Variants in HGFAC observed in about 807,000 individuals in gnomAD.
HGFAC encodes the protein HGF activator.
In HGFAC, 76 loss-of-function variants were observed where a neutral mutation model predicts 70.6. The observed-to-expected ratio is 1.08, with a 90% confidence interval of 0.89 to 1.30. The LOEUF (loss-of-function observed/expected upper bound fraction) is 1.30. HGFAC is among the 50% of genes most tolerant of loss of function. The probability of loss-of-function intolerance (pLI) is 0.00; values close to 1 mark genes in which losing one functional copy is unlikely to be tolerated. For missense variants in HGFAC, 1,044 were observed against 933.7 expected, an observed-to-expected ratio of 1.12 and a Z score of -1.54; for synonymous variants, 464 against 405.3, an observed-to-expected ratio of 1.14 and a Z score of -1.74.
chr4:3,447,975 G>A lies in HGFAC; in HGVS notation c.1576G>A (p.Gly526Ser), dbSNP rs113139871. The A allele has an allele frequency of 4.0e-5, 63 of 1,589,108 alleles. No homozygotes were observed. Among genetic ancestry groups the A allele is most frequent in the East Asian group, 2.8e-4 (12 of 43,384 alleles). Residue 526 changes from glycine (G) to serine (S), a missense_variant, in exon 12 of 14, where the codon GGC (glycine) becomes AGC (serine). Transcript: ENST00000382774. ...FVQPICLPEP[G>S]STFPAGHKCQ... Reference sequence around the variant, plus strand: ...GCAGCCCATCTGCCTGCCCGAGCCCGGCAGCACCTTCCCCGCAGGACACAA... The same window carrying A: ...GCAGCCCATCTGCCTGCCCGAGCCCAGCAGCACCTTCCCCGCAGGACACAA...
At position 3,442,871 on chromosome 4, in the gene HGFAC, C is replaced by T. The variant is rs749280616; in HGVS notation, c.257C>T (p.Pro86Leu). Residue 86 changes from proline (P) to leucine (L), a missense_variant, in exon 2 of 14, where the codon CCG becomes CTG. Coordinates refer to ENST00000382774, the MANE Select transcript of HGFAC (RefSeq NM_001528.4). ...EGPQSGGLPP[P>L]PRAVPSSSSP... Reference sequence around the variant, plus strand: ...CCCCAAAGTGGGGGGCTCCCGCCCCCGCCCAGGGCAGTTCCCTCGAGCAGT... The same window carrying T: ...CCCCAAAGTGGGGGGCTCCCGCCCCTGCCCAGGGCAGTTCCCTCGAGCAGT... 3.5e-5 allele frequency: 55 copies of T among 1,568,704 alleles called. No homozygotes were observed. Among genetic ancestry groups the T allele is most frequent in the Non-Finnish European group, 4.1e-5 (48 of 1,162,790 alleles).
intron 11 of HGFAC, 68 bp from the exon 12 acceptor site, chr4:3,447,827 C>A: frequency 6.3e-7 from 1 of 1,578,384 alleles, no homozygotes; most frequent in Non-Finnish European, 8.6e-7. Flanking sequence ...CTCCCTCCAC[C>A]ACGGGCCCCG....
In HGFAC at chr4:3,447,604, G is replaced by T. The variant is rs769199077; in HGVS notation, c.1468G>T (p.Val490Leu). Residue 490 changes from valine to leucine, a missense_variant, in exon 11 of 14, where the codon GTG becomes TTG. Coordinates refer to ENST00000382774, the MANE Select transcript of HGFAC (RefSeq NM_001528.4). ...EKYIPYTLYSVFNPSDHDLVL... is the reference protein window; with the variant it reads ...EKYIPYTLYSLFNPSDHDLVL... ...GTACATCCCGTACACCCTGTACTCG[G>T]TGTTCAACCCCAGCGACCACGACCT... is the stretch of plus-strand genomic sequence containing the variant. The T allele has an allele frequency of 6.2e-7, 1 of 1,612,682 alleles. No homozygotes were observed. Among genetic ancestry groups the T allele is most frequent in the Non-Finnish European group, 8.5e-7 (1 of 1,179,886 alleles).
chr4:3,443,443 T>TG, intron 4 of HGFAC, 23 bp downstream of exon 4: 1 of 1,394,754 alleles, frequency 7.2e-7, no homozygotes, highest in South Asian at 1.5e-5. Context: ...TTGGGTAGCC[T>TG]GGGGCGGGCA....
chr4:3,447,172 C>T (rs1000679698), intron 10 of HGFAC, among the ~76,000 whole-genome samples: 16 of 152,314 alleles, frequency 1.1e-4, no homozygotes, highest in African/African-American at 2.9e-4. Context: ...GGTCTCCACC[C>T]ACTCGGGTCG....
intron 9 of HGFAC, chr4:3,445,807 G>A (rs115673416): frequency 8.4e-6 from 12 of 1,427,062 alleles, no homozygotes; most frequent in South Asian, 3.7e-5. Flanking sequence ...GGCCACAAAG[G>A]CCTCCGTGTG....
chr4:3,445,999 C>A, intron 9 of HGFAC, 43 bp from the exon 10 acceptor site: 1 of 1,603,038 alleles, frequency 6.2e-7, no homozygotes, highest in African/African-American at 1.3e-5. Context: ...GGGGGCTGGC[C>A]CTGTGAACCC....
chr4:3,444,206 A>G, intron 5 of HGFAC, 45 bp downstream of exon 5: 5 of 1,566,984 alleles, frequency 3.2e-6, no homozygotes, highest in Non-Finnish European at 4.3e-6. Flanking sequence ...GGGCCGGAGC[A>G]AGTCCCCGGA....
At chr4:3,447,332 C>G (rs945075136) in intron 10 of HGFAC, among the ~76,000 whole-genome samples, 160 bp from the exon 11 acceptor site, 2 of 152,174 alleles carry the variant, frequency 1.3e-5, no homozygotes, top group Non-Finnish European at 2.9e-5. Flanking sequence ...TCCCTGTCTC[C>G]CCAGTATCAA....
At chr4:3,446,531 A>G (rs16844390) in intron 10 of HGFAC, among the ~76,000 whole-genome samples, 3,999 of 152,142 alleles carry the variant, frequency 0.026, 159 homozygotes, top group African/African-American at 0.089. Flanking sequence ...GGTCAGTGGC[A>G]TTTCCACAGA....
In HGFAC at chr4:3,444,687, C is replaced by T. The variant is rs759364586; in HGVS notation, c.795C>T (p.Thr265=). The change falls in exon 7 of 14, where the codon ACC becomes ACT. Residue 265 remains threonine, a synonymous_variant. Coordinates refer to ENST00000382774, the MANE Select transcript of HGFAC (RefSeq NM_001528.4). ...ACCTGATCGTGGCCACCGGGACCAC[C>T]GTGTGTGCCTGCCCACCAGGCTTCG... is the stretch of plus-strand genomic sequence containing the variant. ...TCHLIVATGT[T]VCACPPGFAG... 15 of 1,597,674 alleles carry T rather than the reference C, an allele frequency of 9.4e-6. No homozygotes were observed. The highest frequency in any genetic ancestry group is 1.1e-5 in the South Asian group (1 of 90,292).
chr4:3,443,406 C>T lies in HGFAC; in HGVS notation c.461C>T (p.Pro154Leu), dbSNP rs1725382089. 2 of 1,478,796 alleles carry T rather than the reference C, an allele frequency of 1.4e-6. No individual in the cohort carries two copies. The highest frequency in any genetic ancestry group is 1.8e-6 in the Non-Finnish European group (2 of 1,112,956). The allele number at this position is 1,478,796 out of a possible 1,614,324, so 91.6% of individuals were successfully genotyped here. ...GGCTACTGTGTGGAGGCCACCCCGC[C>T]TCCAGGGGGCCCAGGTGGGTGCTGG... ...AWGYCVEATP[P>L]PGGPAALDPC... Residue 154 changes from proline (P) to leucine (L), a missense_variant, in exon 4 of 14, where the codon CCT becomes CTT. Physicochemically the swap from Pro to Leu is moderately conservative, Grantham distance 98. Transcript: ENST00000382774.
chr4:3,447,668 G>C, intron 11 of HGFAC, 37 bp downstream of exon 11: 1 of 1,609,698 alleles, frequency 6.2e-7, no homozygotes, highest in Non-Finnish European at 8.5e-7. Flanking sequence ...CTCTGGGCAG[G>C]TGGGCCCTGT....
At chr4:3,446,958 T>C (rs1725532223) in intron 10 of HGFAC, among the ~76,000 whole-genome samples, 1 of 152,080 alleles carries the variant, frequency 6.6e-6, no homozygotes, top group South Asian at 2.1e-4. Flanking sequence ...GGCCTGCAAA[T>C]GGGGCCAGAG....
At chr4:3,447,244 T>C (rs556081313) in intron 10 of HGFAC, among the ~76,000 whole-genome samples, 5 of 152,198 alleles carry the variant, frequency 3.3e-5, no homozygotes, top group Non-Finnish European at 7.4e-5. Flanking sequence ...GTGACCAGTG[T>C]TGTCAGGAGG....
intron 8 of HGFAC, 31 bp downstream of exon 8, chr4:3,445,024 T>G (rs3752439): frequency 1.3e-6 from 2 of 1,522,738 alleles, no homozygotes; most frequent in Admixed American, 2.1e-5. Context: ...GGCCGCCGCA[T>G]GCGGGGCAGG....
chr4:3,444,117 A>G lies in HGFAC; in HGVS notation c.554A>G (p.His185Arg). ...AATACCCAGGACCCCCAGTCCTATC[A>G]CTGCAGCTGCCCCCGGGCCTTCACC... is the stretch of plus-strand genomic sequence containing the variant. ...CSNTQDPQSY[H>R]CSCPRAFTGK... The change falls in exon 5 of 14, where the codon CAC becomes CGC. Residue 185 changes from histidine (H) to arginine (R), a missense_variant. His to Arg is a conservative substitution (Grantham distance 29). Coordinates refer to ENST00000382774, the MANE Select transcript of HGFAC (RefSeq NM_001528.4). 1 of 1,611,728 alleles carries G rather than the reference A, an allele frequency of 6.2e-7. No homozygotes were observed. The highest frequency in any genetic ancestry group is 1.3e-5 in the African/African-American group (1 of 74,890).
upstream of HGFAC, chr4:3,441,869 G>A (rs2109292581): frequency 3.7e-6 from 2 of 537,478 alleles, no homozygotes; most frequent in Middle Eastern, 4.7e-4. This position sits in a 1 kb window ranked among gnomAD's most constrained non-coding sequence, Gnocchi z 6.0. Flanking sequence ...GGGGACTCGG[G>A]GACTTCCTCT....
At position 3,444,116 on chromosome 4, in the gene HGFAC, C is replaced by T. The variant is rs926114861; in HGVS notation, c.553C>T (p.His185Tyr). ...CSNTQDPQSY[H>Y]CSCPRAFTGK... ...CAATACCCAGGACCCCCAGTCCTAT[C>T]ACTGCAGCTGCCCCCGGGCCTTCAC... Residue 185 changes from histidine (H) to tyrosine (Y), a missense_variant, in exon 5 of 14, where the codon CAC (histidine) becomes TAC (tyrosine). His to Tyr is a moderately conservative substitution (Grantham distance 83). Coordinates refer to ENST00000382774, the MANE Select transcript of HGFAC (RefSeq NM_001528.4). 6.2e-7 allele frequency: 1 copy of T among 1,612,020 alleles called. No homozygotes were observed. Among genetic ancestry groups the T allele is most frequent in the African/African-American group, 1.3e-5 (1 of 74,920 alleles).
Sources: gnomAD v4.1 joint callset for allele counts (sites outside exome capture counted in the v4.1 genomes callset) on GRCh38, gnomAD v4.1.1 for gene constraint, Gnocchi (gnomAD v3.1) non-coding constraint, MANE v1.5 for transcripts, NCBI Gene and HGNC (gene_info 2026-07-23, HGNC 2026-07-21) for gene names.